Variants in ANKS1B observed in about 807,000 individuals in gnomAD.
ANKS1B encodes ankyrin repeat and sterile alpha motif domain-containing protein 1B.
ANKS1B carries 36 observed loss-of-function variants against 148.3 expected under a neutral mutation model. The ratio of observed to expected loss-of-function variants is 0.24; its 90% confidence interval spans 0.19 to 0.32. The LOEUF (loss-of-function observed/expected upper bound fraction) is 0.32. ANKS1B is among the 10% of genes least tolerant of loss of function. ANKS1B has a pLI of 1.00. For synonymous variants in ANKS1B, 542 were observed against 560.8 expected, an observed-to-expected ratio of 0.97 and a Z score of 0.47; for missense variants, 1,157 against 1,542.6, an observed-to-expected ratio of 0.75 and a Z score of 4.19.
rs1322144615 is a variant in ANKS1B at position 99,244,409 on chromosome 12, G to A, written c.2352C>T (p.Asp784=). The A allele has an allele frequency of 6.3e-7, 1 of 1,599,146 alleles. No individual in the cohort carries two copies. The highest frequency in any genetic ancestry group is 1.3e-5 in the African/African-American group (1 of 74,270). ...CAACATCTATGGAACTCATTATTTT[G>A]TCAATCTGTAAGAAACAAAAACCAT... ...PSFTSEWEEI[D]KIMSSIDVGI... Residue 784 remains aspartate, a synonymous_variant, in exon 14 of 27, where the codon GAC becomes GAT. Transcript: ENST00000683438.
chr12:99,427,135 A>AT (rs1439692343), intron 11 of ANKS1B, among the ~76,000 whole-genome samples: 2 of 152,102 alleles, frequency 1.3e-5, no homozygotes, highest in African/African-American at 4.8e-5. Context: ...TGTTTCCCCT[A>AT]TTTTTCCCTC....
At chr12:99,311,114 T>C (rs1451013875) in intron 12 of ANKS1B, among the ~76,000 whole-genome samples, 2 of 152,206 alleles carry the variant, frequency 1.3e-5, no homozygotes, top group African/African-American at 4.8e-5. Context: ...TTAGAAAATG[T>C]ATTTTCAGGT....
chr12:99,755,027 G>A (rs940571315), intron 8 of ANKS1B, among the ~76,000 whole-genome samples: 4 of 149,584 alleles, frequency 2.7e-5, no homozygotes, highest in African/African-American at 4.9e-5. Context: ...ATTGAGACAC[G>A]ACAAAAAAAA....
chr12:98,975,752 T>C (rs1329926565), intron 17 of ANKS1B, among the ~76,000 whole-genome samples: 2 of 152,038 alleles, frequency 1.3e-5, no homozygotes, highest in African/African-American at 4.8e-5. Context: ...AGAACAAATA[T>C]TCAGACTGAG....
rs561036000 is a variant in ANKS1B at position 99,195,616 on chromosome 12, T to C, written c.2420-41221A>G. ...AGATCACAAAGAAATAGCAAAAGCT[T>C]GTAGGAGTTGGGTCAAAAAAGCTCA... On this transcript the variant is annotated intron_variant, in intron 14 of 26. Transcript: ENST00000683438. Among the ~76,000 whole-genome samples the C allele has an allele frequency of 2.0e-4, 31 of 152,114 alleles. No homozygotes were observed. The East Asian group carries it at 5.8e-3, about 28-fold the overall frequency.
At chr12:99,280,888 C>A (rs1214682456) in intron 12 of ANKS1B, among the ~76,000 whole-genome samples, 1 of 151,490 alleles carries the variant, frequency 6.6e-6, no homozygotes, top group Non-Finnish European at 1.5e-5. Flanking sequence ...CTCTCTCTCA[C>A]ACACACACAC....
At chr12:98,749,354 G>A (rs1162969568) in intron 26 of ANKS1B, among the ~76,000 whole-genome samples, 1 of 151,772 alleles carries the variant, frequency 6.6e-6, no homozygotes, top group Non-Finnish European at 1.5e-5. Flanking sequence ...TGATCTGCCC[G>A]CTTCGGACTC....
At chr12:99,315,126 C>T (rs2154027894) in intron 12 of ANKS1B, among the ~76,000 whole-genome samples, 1 of 151,766 alleles carries the variant, frequency 6.6e-6, no homozygotes, top group East Asian at 1.9e-4. Flanking sequence ...GCCTGTAGTC[C>T]CAGCTACTCA....
At chr12:99,363,921 T>C (rs1044490627) in intron 12 of ANKS1B, among the ~76,000 whole-genome samples, 6 of 152,264 alleles carry the variant, frequency 3.9e-5, no homozygotes, top group Non-Finnish European at 5.9e-5. Context: ...CTTAGTGAGA[T>C]GGAGGGGACT....
At chr12:99,899,007 T>G (rs1480614607) in intron 1 of ANKS1B, among the ~76,000 whole-genome samples, 1 of 152,160 alleles carries the variant, frequency 6.6e-6, no homozygotes, top group Non-Finnish European at 1.5e-5. Context: ...GTCAGAGAGA[T>G]TAATAACTTT....
intron 9 of ANKS1B, among the ~76,000 whole-genome samples, chr12:99,653,604 TA>T (rs754593465): frequency 1.2e-4 from 18 of 152,068 alleles, no homozygotes; most frequent in East Asian, 5.8e-4. Context: ...TCATTCCAAT[TA>T]TTTTTTTTTG....
intron 1 of ANKS1B, among the ~76,000 whole-genome samples, chr12:99,912,351 TC>T (rs977400704): frequency 1.2e-4 from 15 of 130,314 alleles, no homozygotes; most frequent in Non-Finnish European, 2.3e-4. Flanking sequence ...GGTTTCCCAA[TC>T]AATTTTTTTT....
At chr12:99,712,156 G>C (rs764947514) in intron 8 of ANKS1B, among the ~76,000 whole-genome samples, 4 of 152,176 alleles carry the variant, frequency 2.6e-5, no homozygotes, top group Non-Finnish European at 5.9e-5. Context: ...AGAATGCATG[G>C]ACACACAGAG....
intron 14 of ANKS1B, among the ~76,000 whole-genome samples, chr12:99,226,409 A>G (rs781610584): frequency 3.3e-5 from 5 of 152,176 alleles, no homozygotes; most frequent in African/African-American, 4.8e-5. Context: ...GATTGTGCAC[A>G]TTTGGTGTGA....
At chr12:99,487,860 C>T (rs2096513666) in intron 10 of ANKS1B, among the ~76,000 whole-genome samples, 1 of 151,954 alleles carries the variant, frequency 6.6e-6, no homozygotes, top group East Asian at 1.9e-4. Context: ...TTCTATTATT[C>T]AATAGTTCTA....
At chr12:99,425,003 A>T (rs2095216523) in intron 11 of ANKS1B, among the ~76,000 whole-genome samples, 1 of 151,828 alleles carries the variant, frequency 6.6e-6, no homozygotes, top group Non-Finnish European at 1.5e-5. Flanking sequence ...TCTGTACCTC[A>T]CTTTCCTTTT....
At chr12:99,256,270 A>G (rs1467296194) in intron 12 of ANKS1B, among the ~76,000 whole-genome samples, 1 of 151,896 alleles carries the variant, frequency 6.6e-6, no homozygotes, top group Non-Finnish European at 1.5e-5. Context: ...AAGAAAAAAA[A>G]AAGAAAAAAG....
At chr12:99,798,939 G>C (rs2066595613) in intron 4 of ANKS1B, among the ~76,000 whole-genome samples, 1 of 151,906 alleles carries the variant, frequency 6.6e-6, no homozygotes, top group Admixed American at 6.6e-5. Flanking sequence ...GCATCTTCAA[G>C]GCAATCTTTC....
At chr12:98,966,426 T>A (rs1403126250) in intron 17 of ANKS1B, among the ~76,000 whole-genome samples, 1 of 152,084 alleles carries the variant, frequency 6.6e-6, no homozygotes, top group East Asian at 1.9e-4. Context: ...TGTGGAGAAA[T>A]AGGAACACTT....
Sources: gnomAD v4.1 joint callset for allele counts (sites outside exome capture counted in the v4.1 genomes callset) on GRCh38, gnomAD v4.1.1 for gene constraint, MANE v1.5 for transcripts, NCBI Gene and HGNC (gene_info 2026-07-23, HGNC 2026-07-21) for gene names.